Variants in STXBP5L observed in about 807,000 individuals in gnomAD.
STXBP5L encodes syntaxin-binding protein 5-like.
STXBP5L carries 65 observed loss-of-function variants against 144.5 expected under a neutral mutation model. The ratio of observed to expected loss-of-function variants is 0.45; its 90% CI spans 0.37 to 0.55. The LOEUF (loss-of-function observed/expected upper bound fraction) is 0.55. Among genes scored for constraint, STXBP5L ranks in the 20% least tolerant of loss-of-function variants. The pLI is 0.00. For missense variants in STXBP5L, 1,298 were observed against 1,405.5 expected, an observed-to-expected ratio of 0.92 and a Z score of 1.22; for synonymous variants, 505 against 469.6, an observed-to-expected ratio of 1.08 and a Z score of -0.97.
At chr3:121,214,294 G>A (rs976319581) in intron 10 of STXBP5L, among the ~76,000 whole-genome samples, 2 of 152,094 alleles carry the variant, frequency 1.3e-5, no homozygotes, top group East Asian at 1.9e-4. Context: ...TTTTAACTGT[G>A]ATGTTAGGGT....
At chr3:120,923,255 A>G (rs1041370762) in intron 2 of STXBP5L, among the ~76,000 whole-genome samples, 13 of 151,802 alleles carry the variant, frequency 8.6e-5, no homozygotes, top group African/African-American at 2.9e-4. Flanking sequence ...TAGTCTAGCT[A>G]AAGGTTTGTC....
chr3:121,146,133 T>C (rs572621655), intron 7 of STXBP5L, among the ~76,000 whole-genome samples: 3 of 152,040 alleles, frequency 2.0e-5, no homozygotes, highest in Non-Finnish European at 4.4e-5. Flanking sequence ...AGTCAGCTTA[T>C]AGAGAGCATA....
chr3:121,337,253 G>A (rs1353259481), intron 20 of STXBP5L, among the ~76,000 whole-genome samples: 1 of 151,804 alleles, frequency 6.6e-6, no homozygotes, highest in Non-Finnish European at 1.5e-5. Flanking sequence ...TAAAATAAAA[G>A]TTAAACAAAA....
intron 18 of STXBP5L, among the ~76,000 whole-genome samples, chr3:121,261,548 A>G (rs1172135054): frequency 6.6e-6 from 1 of 152,186 alleles, no homozygotes; most frequent in Non-Finnish European, 1.5e-5. Flanking sequence ...TCTAGCAATT[A>G]AAAAAGATAA....
intron 20 of STXBP5L, among the ~76,000 whole-genome samples, chr3:121,348,458 G>A (rs1428941823): frequency 6.6e-6 from 1 of 152,104 alleles, no homozygotes; most frequent in Non-Finnish European, 1.5e-5. Flanking sequence ...GTATCAGGAT[G>A]ATGCTGGCCT....
intron 2 of STXBP5L, 79 bp from the exon 3 acceptor site, chr3:120,954,861 T>C (rs1329540123): frequency 9.0e-7 from 1 of 1,107,674 alleles, no homozygotes; most frequent in East Asian, 2.6e-5. Flanking sequence ...TTAGACATTC[T>C]GGTGGCTATA....
intron 19 of STXBP5L, among the ~76,000 whole-genome samples, chr3:121,282,044 G>A (rs2051077250): frequency 6.6e-6 from 1 of 151,148 alleles, no homozygotes; most frequent in Admixed American, 6.6e-5. Flanking sequence ...TTAAATAAAT[G>A]TTAAAATTAC....
chr3:121,048,949 C>G (rs1311238560), intron 5 of STXBP5L, among the ~76,000 whole-genome samples: 1 of 152,132 alleles, frequency 6.6e-6, no homozygotes, highest in Non-Finnish European at 1.5e-5. Flanking sequence ...CGGTCCCCAA[C>G]CACTATATGT....
intron 5 of STXBP5L, among the ~76,000 whole-genome samples, chr3:121,076,917 C>T (rs1458684495): frequency 1.3e-5 from 2 of 152,118 alleles, no homozygotes; most frequent in African/African-American, 4.8e-5. Context: ...CGGAGAGTGC[C>T]TTAATTCCTG....
intron 22 of STXBP5L, among the ~76,000 whole-genome samples, chr3:121,392,471 C>T (rs2046613720): frequency 6.6e-6 from 1 of 152,162 alleles, no homozygotes; most frequent in Non-Finnish European, 1.5e-5. Flanking sequence ...CAGAAATCAC[C>T]CATCTTCTGC....
At chr3:121,054,721 G>T (rs143718068) in intron 5 of STXBP5L, among the ~76,000 whole-genome samples, 1 of 151,656 alleles carries the variant, frequency 6.6e-6, no homozygotes, top group Non-Finnish European at 1.5e-5. Flanking sequence ...CACATGTACC[G>T]TAAAACTTAA....
intron 20 of STXBP5L, among the ~76,000 whole-genome samples, chr3:121,348,243 A>G (rs2045093021): frequency 6.6e-6 from 1 of 152,116 alleles, no homozygotes; most frequent in Non-Finnish European, 1.5e-5. Flanking sequence ...GGTTCTGTTT[A>G]TATGCTGGGT....
At chr3:120,928,639 A>AGTGT (rs71133519) in intron 2 of STXBP5L, among the ~76,000 whole-genome samples, 3,741 of 147,222 alleles carry the variant, frequency 0.025, 62 homozygotes, top group South Asian at 0.099. Flanking sequence ...TGGTATACAG[A>AGTGT]GTGTGTGTGT....
At chr3:121,086,254 A>G (rs2042486502) in intron 5 of STXBP5L, among the ~76,000 whole-genome samples, 2 of 152,112 alleles carry the variant, frequency 1.3e-5, no homozygotes, top group South Asian at 4.1e-4. Flanking sequence ...ACAAATGTTT[A>G]TATTTCCAAT....
intron 20 of STXBP5L, among the ~76,000 whole-genome samples, chr3:121,329,809 G>A (rs1358195166): frequency 6.6e-6 from 1 of 152,042 alleles, no homozygotes; most frequent in Non-Finnish European, 1.5e-5. Context: ...GCAGTGAGCC[G>A]ATATTGCACC....
intron 14 of STXBP5L, among the ~76,000 whole-genome samples, chr3:121,246,400 A>T (rs188926158): frequency 2.0e-5 from 3 of 152,316 alleles, no homozygotes; most frequent in African/African-American, 7.2e-5. Context: ...ACATCTGTAG[A>T]TGCAAGTTAT....
intron 20 of STXBP5L, among the ~76,000 whole-genome samples, chr3:121,370,309 G>A (rs1158662736): frequency 2.6e-5 from 4 of 152,006 alleles, no homozygotes; most frequent in East Asian, 1.9e-4. Flanking sequence ...CAGAGGTTGC[G>A]GTGAGCTGAC....
intron 11 of STXBP5L, among the ~76,000 whole-genome samples, chr3:121,223,876 G>A (rs529212626): frequency 9.2e-5 from 14 of 152,086 alleles, no homozygotes; most frequent in East Asian, 5.8e-4. Context: ...CAGGCAGATC[G>A]TTTGAGTCCA....
At chr3:121,313,011 G>A (rs1559963902) in intron 19 of STXBP5L, among the ~76,000 whole-genome samples, 1 of 151,938 alleles carries the variant, frequency 6.6e-6, no homozygotes, top group Non-Finnish European at 1.5e-5. Flanking sequence ...CGGGCAGAGG[G>A]GCTCCTCACT....
Sources: gnomAD v4.1 joint callset for allele counts (sites outside exome capture counted in the v4.1 genomes callset) on GRCh38, gnomAD v4.1.1 for gene constraint, MANE v1.5 for transcripts, NCBI Gene and HGNC (gene_info 2026-07-23, HGNC 2026-07-21) for gene names.